Variants in BRCA1 observed in about 807,000 individuals in gnomAD.
BRCA1 encodes the protein BRCA1 DNA repair associated, also known as breast cancer type 1 susceptibility protein.
Under a neutral mutation model 173.7 loss-of-function variants are expected in BRCA1, and 140 were observed. That is an observed-to-expected ratio of 0.81 (90% CI 0.70 to 0.93). BRCA1 has a LOEUF of 0.93. BRCA1 is among the 40% of genes least tolerant of loss of function. The probability of loss-of-function intolerance (pLI) is 0.00; values close to 1 mark genes in which losing one functional copy is unlikely to be tolerated. For missense variants in BRCA1, 1,983 were observed against 2,172.5 expected (o/e 0.91, Z 1.73); for synonymous variants, 662 against 756.0 (o/e 0.88, Z 2.04).
At chr17:43,153,821 A>G (rs1372616894) in intron 1 of BRCA1, 1 of 152,242 alleles carries the variant, frequency 6.6e-6, no homozygotes, top group African/African-American at 2.4e-5. Flanking sequence ...TCACTTCAGA[A>G]GACGCATGTT....
intron 1 of BRCA1, among the ~76,000 whole-genome samples, chr17:43,145,629 A>G (rs2056116482): frequency 6.6e-6 from 1 of 152,162 alleles, no homozygotes; most frequent in Non-Finnish European, 1.5e-5. Context: ...CCCGGCCTCC[A>G]GAGGAATATT....
At chr17:43,125,676 A>G, upstream of BRCA1, 1 of 213,804 alleles carries the variant, frequency 4.7e-6, no homozygotes, top group Non-Finnish European at 9.7e-6. Flanking sequence ...TAATTGCTGT[A>G]CGAAGGTCAG....
chr17:43,090,440 C>A (rs2053405944), intron 11 of BRCA1, among the ~76,000 whole-genome samples: 3 of 152,204 alleles, frequency 2.0e-5, no homozygotes, highest in Admixed American at 2.0e-4. Context: ...GTGGTACAAT[C>A]CCAGCTCAGT....
chr17:43,091,513 A>G lies in BRCA1; in HGVS notation c.4018T>C (p.Leu1340=), dbSNP rs786201646. 1 of 1,613,834 alleles carries G rather than the reference A, an allele frequency of 6.2e-7. No homozygotes were observed. Among genetic ancestry groups the G allele is most frequent in the Admixed American group, 1.7e-5 (1 of 59,992 alleles). Residue 1340 remains leucine (L), a synonymous_variant, in exon 10 of 23, where the codon TTG becomes CTG. Coordinates refer to ENST00000357654, the MANE Select transcript of BRCA1 (RefSeq NM_007294.4). ...SQGVGLSDKE[L]VSDDEERGTG... ...CCTCTTTCTTCATCATCTGAAACCA[A>G]TTCCTTGTCACTCAGACCAACTCCC... is the stretch of plus-strand genomic sequence containing the variant.
At position 43,093,469 on chromosome 17, in the gene BRCA1, T is replaced by C. The variant is rs1597872432; in HGVS notation, c.2062A>G (p.Thr688Ala). 4 of 1,614,134 alleles carry C rather than the reference T, an allele frequency of 2.5e-6. No individual in the cohort carries two copies. The highest frequency in any genetic ancestry group is 3.4e-6 in the Non-Finnish European group (4 of 1,180,006). Residue 688 changes from threonine (T) to alanine (A), a missense_variant, in exon 10 of 23, where the codon ACA becomes GCA. Thr to Ala is a moderately conservative substitution (Grantham distance 58). Transcript: ENST00000357654. ...GTATCGCTGTCATGTCTTTTACTTGTCTGTTCATTTGGCTTGTTACTCTTC... is the reference window on the plus strand; with the variant it reads ...GTATCGCTGTCATGTCTTTTACTTGCCTGTTCATTTGGCTTGTTACTCTTC... ...AKKSNKPNEQTSKRHDSDTFP... is the reference protein window; with the variant it reads ...AKKSNKPNEQASKRHDSDTFP...
chr17:43,078,697 C>T (rs1217768178), intron 12 of BRCA1, among the ~76,000 whole-genome samples: 1 of 152,070 alleles, frequency 6.6e-6, no homozygotes, highest in Admixed American at 6.5e-5. Flanking sequence ...CTGAGTTAGT[C>T]TTCAAATGCA....
intron 3 of BRCA1, among the ~76,000 whole-genome samples, chr17:43,109,021 A>C (rs989074435): frequency 2.5e-5 from 3 of 120,258 alleles, no homozygotes. Flanking sequence ...AAACAAAAAA[A>C]CCCCAACTAT....
chr17:43,143,440 A>G (rs2056093917), intron 1 of BRCA1, among the ~76,000 whole-genome samples: 2 of 152,188 alleles, frequency 1.3e-5, no homozygotes, highest in African/African-American at 4.8e-5. Context: ...CAGCACGCAC[A>G]CAGGGCTGCT....
In BRCA1 at chr17:43,124,001, T is replaced by G; in HGVS notation, c.80+16A>C. On this transcript the variant is annotated intron_variant, in intron 2 of 22. Coordinates refer to ENST00000357654, the MANE Select transcript of BRCA1 (RefSeq NM_007294.4). Reference sequence around the variant, plus strand: ...TCATAGGAATCCCAAATTAATACACTCTTGTGCTGACTTACCAGATGGGAC... The same window carrying G: ...TCATAGGAATCCCAAATTAATACACGCTTGTGCTGACTTACCAGATGGGAC... The G allele has an allele frequency of 1.3e-6, 2 of 1,594,694 alleles. No homozygotes were observed. Among genetic ancestry groups the G allele is most frequent in the Non-Finnish European group, 1.7e-6 (2 of 1,162,468 alleles).
At chr17:43,127,622 T>G (rs529790338), upstream of BRCA1, among the ~76,000 whole-genome samples, 1 of 152,272 alleles carries the variant, frequency 6.6e-6, no homozygotes, top group African/African-American at 2.4e-5. Flanking sequence ...TATATCTAGC[T>G]CAGGGATTGT....
intron 11 of BRCA1, among the ~76,000 whole-genome samples, chr17:43,085,148 T>C (rs568367097): frequency 6.6e-6 from 1 of 152,332 alleles, no homozygotes; most frequent in Non-Finnish European, 1.5e-5. Flanking sequence ...TGATCTCTAC[T>C]TTTAATACAG....
At chr17:43,047,341 G>T (rs1597798980) in intron 22 of BRCA1, among the ~76,000 whole-genome samples, 1 of 151,470 alleles carries the variant, frequency 6.6e-6, no homozygotes, top group Admixed American at 6.6e-5. Flanking sequence ...CTCCCACCTT[G>T]ACCTCCATCT....
Position 43,093,568 on chromosome 17 carries a change from A to C in BRCA1, c.1963T>G (p.Tyr655Asp), listed in dbSNP as rs80357166. The C allele has an allele frequency of 6.2e-7, 1 of 1,613,820 alleles. No homozygotes were observed. The highest frequency in any genetic ancestry group is 8.5e-7 in the Non-Finnish European group (1 of 1,179,956). ...SSSEEIKKKKYNQMPVRHSRN... is the reference protein window; with the variant it reads ...SSSEEIKKKKDNQMPVRHSRN... ...CTGTGCCTGACTGGCATTTGGTTGT[A>C]CTTTTTTTTCTTTATCTCTTCACTG... The change falls in exon 10 of 23, where the codon TAC becomes GAC. Residue 655 changes from tyrosine (Y) to aspartate (D), a missense_variant. Physicochemically the swap from Tyr to Asp is radical, Grantham distance 160. Coordinates refer to ENST00000357654, the MANE Select transcript of BRCA1 (RefSeq NM_007294.4).
chr17:43,049,066 G>A (rs2152901797), intron 21 of BRCA1, 55 bp downstream of exon 21: 1 of 1,547,090 alleles, frequency 6.5e-7, no homozygotes, highest in Non-Finnish European at 8.9e-7. Flanking sequence ...TGCCAGTCTT[G>A]CTCACAGGAG....
chr17:43,086,109 TACACACACACACACACACACACAC>T (rs376686434), intron 11 of BRCA1, among the ~76,000 whole-genome samples: 1 of 137,360 alleles, frequency 7.3e-6, no homozygotes, highest in East Asian at 2.1e-4. Context: ...ATCACATACA[TACACACACACACACACACACACAC>T]ACACACACAC....
chr17:43,097,452 TG>T (rs1199181834), intron 7 of BRCA1, among the ~76,000 whole-genome samples, 163 bp from the exon 8 acceptor site: 1 of 152,078 alleles, frequency 6.6e-6, no homozygotes, highest in African/African-American at 2.4e-5. Flanking sequence ...TACAGAGAAG[TG>T]GTTAAAGGCA....
Position 43,092,630 on chromosome 17 carries a change from A to G in BRCA1, c.2901T>C (p.Thr967=), listed in dbSNP as rs2154353519. Residue 967 remains threonine, a synonymous_variant, in exon 10 of 23, where the codon ACT becomes ACC. Transcript: ENST00000357654. ...QFRGNETGLI[T]PNKHGLLQNP... is the part of the protein sequence containing the mutation. The stretch of plus-strand genomic sequence containing the variant: ...TTTGTAAAAGTCCATGTTTATTTGG[A>G]GTAATGAGTCCAGTTTCGTTGCCTC... 1 of 1,614,078 alleles carries G rather than the reference A, an allele frequency of 6.2e-7. No homozygotes were observed. The highest frequency in any genetic ancestry group is 8.5e-7 in the Non-Finnish European group (1 of 1,180,002).
At position 43,057,070 on chromosome 17, in the gene BRCA1, T is replaced by C. The variant is rs771577266; in HGVS notation, c.5259A>G (p.Arg1753=). 4 of 1,614,094 alleles carry C rather than the reference T, an allele frequency of 2.5e-6. No homozygotes were observed. The highest frequency in any genetic ancestry group is 3.4e-6 in the Non-Finnish European group (4 of 1,179,948). ...GCTTTACCTTTCTGTCCTGGGATTC[T>C]CTTGCTCGCTTTGGACCTTGGTGGT... ...GRNHQGPKRA[R]ESQDRKIFRG... is the part of the protein sequence containing the mutation. Residue 1753 remains arginine (R), a synonymous_variant, in exon 19 of 23, where the codon AGA becomes AGG. Transcript: ENST00000357654.
chr17:43,090,167 G>A (rs1383082790), intron 11 of BRCA1, among the ~76,000 whole-genome samples: 1 of 152,060 alleles, frequency 6.6e-6, no homozygotes, highest in Admixed American at 6.6e-5. Context: ...CACCAAAATT[G>A]CGATTGCTGG....
Sources: allele counts gnomAD v4.1 joint callset (sites outside exome capture counted in the v4.1 genomes callset), GRCh38; gene constraint gnomAD v4.1.1; transcripts MANE v1.5; gene names NCBI Gene and HGNC (gene_info 2026-07-23, HGNC 2026-07-21).